The following BACE2 variants were observed in gnomAD, a reference collection of about 807,000 sequenced individuals.
The protein encoded by BACE2 is 56 kDa aspartic-like protease.
A neutral mutation model predicts 46.2 loss-of-function variants in BACE2; 17 were observed. That is an observed-to-expected ratio of 0.37 (90% CI 0.25 to 0.55). BACE2 has a LOEUF of 0.55. Among genes scored for constraint, BACE2 ranks in the 20% least tolerant of loss-of-function variants. BACE2 has a pLI of 0.82. For missense variants in BACE2, 595 were observed against 698.1 expected (o/e 0.85, Z 1.66); for synonymous variants, 277 against 295.9 (o/e 0.94, Z 0.66).
chr21:41,205,572 T>A (rs1179525110), intron 1 of BACE2, among the ~76,000 whole-genome samples: 1 of 152,212 alleles, frequency 6.6e-6, no homozygotes, highest in East Asian at 1.9e-4. Context: ...ATTAGAAAAT[T>A]TACCTTCCTA....
intron 2 of BACE2, among the ~76,000 whole-genome samples, chr21:41,237,248 C>T (rs577654631): frequency 1.3e-5 from 2 of 152,170 alleles, no homozygotes; most frequent in South Asian, 2.1e-4. Flanking sequence ...GAGATCGAGA[C>T]CATCCTGGCC....
At chr21:41,264,753 T>G (rs1478558139) in intron 8 of BACE2, among the ~76,000 whole-genome samples, 3 of 152,070 alleles carry the variant, frequency 2.0e-5, no homozygotes, top group Non-Finnish European at 4.4e-5. Flanking sequence ...GGGATCCCAA[T>G]TCAACATGAG....
chr21:41,190,470 G>A (rs1019326771), intron 1 of BACE2, among the ~76,000 whole-genome samples: 8 of 152,188 alleles, frequency 5.3e-5, no homozygotes, highest in African/African-American at 1.4e-4. Context: ...GCACAAACAT[G>A]TTTTTAACAA....
Position 41,281,972 on chromosome 21 carries a change from C to T in BACE2, c.*6348C>T, listed in dbSNP as rs1478790846. 1.3e-5 allele frequency: 2 copies of T among 152,142 alleles called. No homozygotes were observed. Among genetic ancestry groups the T allele is most frequent in the African/African-American group, 4.8e-5 (2 of 41,438 alleles). 9.4% of individuals were successfully genotyped at this position (152,142 alleles called of 1,614,324 possible). ...TTTGTAATCTAAAATGATGTATTTT[C>T]TACTATTGCTGTTAATTTGCATTGT... On this transcript the variant is annotated 3_prime_UTR_variant, in exon 9 of 9. Coordinates refer to ENST00000330333, the MANE Select transcript of BACE2 (RefSeq NM_012105.5).
At chr21:41,226,408 A>G in intron 2 of BACE2, 54 bp downstream of exon 2, 1 of 1,453,252 alleles carries the variant, frequency 6.9e-7, no homozygotes, top group East Asian at 2.3e-5. Flanking sequence ...CATGATCAAC[A>G]TGCTTCAAAA....
At chr21:41,202,316 G>A (rs754908712) in intron 1 of BACE2, among the ~76,000 whole-genome samples, 16 of 152,178 alleles carry the variant, frequency 1.1e-4, no homozygotes, top group Non-Finnish European at 2.2e-4. Flanking sequence ...CATATCACAC[G>A]ACCAATGCTT....
At chr21:41,260,449 T>C (rs76211470) in intron 8 of BACE2, among the ~76,000 whole-genome samples, 1,781 of 152,322 alleles carry the variant, frequency 0.012, 26 homozygotes, top group African/African-American at 0.037. Context: ...CTGGCCATCT[T>C]GTGGAGTTTC....
At position 41,193,798 on chromosome 21, in the gene BACE2, C is replaced by T. The variant is rs377446174; in HGVS notation, c.312+25223C>T. 3.9e-5 allele frequency among the ~76,000 whole-genome samples: 6 copies of T among 152,166 alleles called. No individual in the cohort carries two copies. In the East Asian group the frequency reaches 5.8e-4, roughly 15 times the overall value. ...AAAACTCCTTTAAGTACCTGACTTC[C>T]GTAAGCCTCTACTTTACTGGAGGAC... On this transcript the variant is annotated intron_variant, in intron 1 of 8. Transcript: ENST00000330333. The surrounding 1 kb of genome is among the most constrained non-coding windows in gnomAD (Gnocchi z 4.2).
chr21:41,232,395 G>C (rs1986990074), intron 2 of BACE2, among the ~76,000 whole-genome samples: 1 of 152,210 alleles, frequency 6.6e-6, no homozygotes, highest in Non-Finnish European at 1.5e-5. Flanking sequence ...GATTCAGTAA[G>C]AGTAGCTCTA....
intron 1 of BACE2, among the ~76,000 whole-genome samples, chr21:41,195,674 A>G (rs538597547): frequency 1.4e-4 from 21 of 151,614 alleles, no homozygotes; most frequent in Non-Finnish European, 2.7e-4. Flanking sequence ...CAACCACAAC[A>G]CCTCTCCTCC....
chr21:41,262,648 G>A (rs1351233758), intron 8 of BACE2, among the ~76,000 whole-genome samples: 1 of 152,056 alleles, frequency 6.6e-6, no homozygotes, highest in Non-Finnish European at 1.5e-5. Context: ...CCCTATGAAT[G>A]TACCAGATCT....
At chr21:41,215,217 G>C (rs576440879) in intron 1 of BACE2, among the ~76,000 whole-genome samples, 3 of 152,206 alleles carry the variant, frequency 2.0e-5, no homozygotes, top group Admixed American at 1.3e-4. Context: ...GACCGCAAAG[G>C]GGGAAGGAAC....
intron 6 of BACE2, among the ~76,000 whole-genome samples, chr21:41,248,562 C>T (rs1987541092): frequency 6.6e-6 from 1 of 152,228 alleles, no homozygotes; most frequent in Non-Finnish European, 1.5e-5. Flanking sequence ...AGGGGCTCTC[C>T]CTGTGATGCA....
chr21:41,194,140 C>A (rs893421666), intron 1 of BACE2, among the ~76,000 whole-genome samples: 1 of 152,076 alleles, frequency 6.6e-6, no homozygotes, highest in Non-Finnish European at 1.5e-5. Flanking sequence ...GGCCATTTGA[C>A]CTAGAAGTTT....
chr21:41,273,312 G>A (rs558489213), intron 8 of BACE2, among the ~76,000 whole-genome samples: 18 of 152,240 alleles, frequency 1.2e-4, no homozygotes, highest in Non-Finnish European at 2.1e-4. Flanking sequence ...TTTATTAGGC[G>A]GAAATTTCCT....
At chr21:41,239,551 T>C (rs1049648103) in intron 3 of BACE2, among the ~76,000 whole-genome samples, 9 of 152,082 alleles carry the variant, frequency 5.9e-5, no homozygotes, top group Admixed American at 2.0e-4. Context: ...CTAAGTTTTG[T>C]AGTTTTGGTA....
intron 1 of BACE2, chr21:41,178,205 G>A (rs1984932199): frequency 6.6e-6 from 1 of 152,220 alleles, no homozygotes; most frequent in Non-Finnish European, 1.5e-5. Context: ...TGCCCAGAGA[G>A]GCAAAGGGAG....
rs2088532076 is a variant in BACE2 at position 41,280,193 on chromosome 21, G to T, written c.*4569G>T. The T allele has an allele frequency of 6.6e-6, 1 of 152,386 alleles. No individual in the cohort carries two copies. The highest frequency in any genetic ancestry group is 6.5e-5 in the Admixed American group (1 of 15,278). The allele number at this position is 152,386 out of a possible 1,614,324, so 9.4% of individuals were successfully genotyped here. ...GGTCATGCACCTGGAAATTTGTAGG[G>T]GAGGGTCAAGCAACTGAGGCCAAAG... On this transcript the variant is annotated 3_prime_UTR_variant, in exon 9 of 9. Coordinates refer to ENST00000330333, the MANE Select transcript of BACE2 (RefSeq NM_012105.5).
chr21:41,247,081 G>A (rs781268816), intron 6 of BACE2, among the ~76,000 whole-genome samples: 4 of 152,176 alleles, frequency 2.6e-5, no homozygotes, highest in Non-Finnish European at 5.9e-5. Context: ...CGGCCCTGGC[G>A]TGGGGCTGAT....
Sources: allele counts gnomAD v4.1 joint callset (sites outside exome capture counted in the v4.1 genomes callset), GRCh38; gene constraint gnomAD v4.1.1; non-coding constraint Gnocchi (gnomAD v3.1); transcripts MANE v1.5; gene names NCBI Gene and HGNC (gene_info 2026-07-23, HGNC 2026-07-21).